The following FBXL18 variants were observed in gnomAD, a reference collection of about 807,000 sequenced individuals.
FBXL18 encodes the protein F-box/LRR-repeat protein 18.
FBXL18 carries 36 observed loss-of-function variants against 46.0 expected under a neutral mutation model. The observed-to-expected ratio is 0.78, with a 90% CI of 0.60 to 1.03. FBXL18 has a LOEUF of 1.03. Among genes scored for constraint, FBXL18 ranks in the 50% least tolerant of loss-of-function variants. FBXL18 has a pLI of 0.00. For missense variants in FBXL18, 977 were observed against 1,004.1 expected, an observed-to-expected ratio of 0.97 and a Z score of 0.36; for synonymous variants, 557 against 465.3, an observed-to-expected ratio of 1.20 and a Z score of -2.54.
intron 3 of FBXL18, among the ~76,000 whole-genome samples, chr7:5,493,152 T>C (rs529261673): frequency 3.3e-5 from 5 of 151,990 alleles, no homozygotes; most frequent in African/African-American, 1.2e-4. Flanking sequence ...CTGGGCGACA[T>C]AGTGAGAGCC....
chr7:5,500,885 G>C lies in FBXL18; in HGVS notation c.1384C>G (p.Pro462Ala). The C allele has an allele frequency of 6.3e-7, 1 of 1,595,750 alleles. No homozygotes were observed. Among genetic ancestry groups the C allele is most frequent in the Non-Finnish European group, 8.6e-7 (1 of 1,169,432 alleles). ...VRVGVQSCPS[P>A]FSGQACPQPS... ...TGGGGGCACGCCTGGCCCGAGAAGG[G>C]GCTGGGACAGGACTGCACGCCCACA... Residue 462 changes from proline to alanine, a missense_variant, in exon 3 of 5, where the codon CCC becomes GCC. Physicochemically the swap from Pro to Ala is conservative, Grantham distance 27. Transcript: ENST00000382368.
intron 3 of FBXL18, among the ~76,000 whole-genome samples, chr7:5,493,529 A>T (rs993852366): frequency 1.2e-4 from 19 of 152,038 alleles, no homozygotes; most frequent in Admixed American, 1.0e-3. Context: ...TCTCCTGACC[A>T]CTTGCTCCAC....
intron 4 of FBXL18, among the ~76,000 whole-genome samples, chr7:5,456,668 G>A (rs1011191066): frequency 2.0e-5 from 3 of 151,668 alleles, no homozygotes; most frequent in African/African-American, 7.3e-5. Context: ...ATGGAAAGGA[G>A]GCCAGCATGG....
Position 5,458,671 on chromosome 7 carries a change from T to C in FBXL18, c.2001-10828A>G, listed in dbSNP as rs370489386. Among the ~76,000 whole-genome samples the C allele has an allele frequency of 3.8e-4, 57 of 150,454 alleles. No individual in the cohort carries two copies. In the East Asian group the frequency reaches 7.9e-3, roughly 21 times the overall value. On this transcript the variant is annotated intron_variant and NMD_transcript_variant, in intron 4 of 6. Transcript: ENST00000415009. ...AAGATTGCGCCACTGCACTCCAGCC[T>C]GGGCAACACAGCGAGACTCCGTCCC...
intron 4 of FBXL18, among the ~76,000 whole-genome samples, chr7:5,487,109 G>A (rs1160196928): frequency 2.0e-5 from 3 of 152,250 alleles, no homozygotes; most frequent in Non-Finnish European, 1.5e-5. Flanking sequence ...GAGCTGCAGG[G>A]CTGACACTGA....
At chr7:5,508,383 C>T (rs1184943117) in intron 1 of FBXL18, among the ~76,000 whole-genome samples, 9 of 149,214 alleles carry the variant, frequency 6.0e-5, no homozygotes, top group African/African-American at 4.9e-5. Flanking sequence ...GCAGAGGTTG[C>T]GGTAAGCCGA....
rs1320687405 is a variant in FBXL18 at position 5,462,723 on chromosome 7, G to A, written c.2001-14880C>T. On this transcript the variant is annotated intron_variant and NMD_transcript_variant, in intron 4 of 6. Coordinates refer to the FBXL18 transcript ENST00000415009. ...TCCCAGCACTTTGGGAGGCCGAGGC[G>A]GATGGATCACGAGGTCAGGAGATTC... 3.3e-5 allele frequency among the ~76,000 whole-genome samples: 5 copies of A among 151,422 alleles called. No individual in the cohort carries two copies. The South Asian group carries it at 6.3e-4, about 19-fold the overall frequency.
chr7:5,489,064 C>A, intron 4 of FBXL18: 1 of 303,070 alleles, frequency 3.3e-6, no homozygotes, highest in South Asian at 2.7e-5. Flanking sequence ...CTGGTTCCAC[C>A]GCAGGCGAAG....
chr7:5,458,711 A>G (rs1427075846), intron 4 of FBXL18, among the ~76,000 whole-genome samples: 1 of 151,702 alleles, frequency 6.6e-6, no homozygotes, highest in African/African-American at 2.4e-5. Flanking sequence ...AAAAAAAAAA[A>G]TTAGCTGGGC....
chr7:5,475,603 C>A (rs1292216276), downstream of FBXL18, among the ~76,000 whole-genome samples: 1 of 152,206 alleles, frequency 6.6e-6, no homozygotes, highest in African/African-American at 2.4e-5. This position sits in a 1 kb window ranked among gnomAD's most constrained non-coding sequence, Gnocchi z 4.2. Context: ...CCTGATGCCC[C>A]CTGGGGAGTG....
intron 4 of FBXL18, among the ~76,000 whole-genome samples, chr7:5,482,144 A>T (rs1783664863): frequency 6.6e-6 from 1 of 152,180 alleles, no homozygotes; most frequent in African/African-American, 2.4e-5. Flanking sequence ...GCAGCCGGGA[A>T]CAGGCCACAC....
chr7:5,502,959 T>C (rs993675443), intron 2 of FBXL18, among the ~76,000 whole-genome samples: 7 of 152,106 alleles, frequency 4.6e-5, no homozygotes, highest in African/African-American at 1.7e-4. Context: ...TCAGCCTCCC[T>C]ACTCTGTGCC....
rs1037524884 is a variant in FBXL18, at chr7:5,470,062, G to A, written c.2000+21169C>T. Among the ~76,000 whole-genome samples, 6 of 152,258 alleles carry A rather than the reference G, an allele frequency of 3.9e-5. No homozygotes were observed. The South Asian group carries it at 1.0e-3, about 26-fold the overall frequency. On this transcript the variant is annotated intron_variant and NMD_transcript_variant, in intron 4 of 6. Coordinates refer to the FBXL18 transcript ENST00000415009. ...TGGACGAGTGAGTGCACATGCGTGT[G>A]CGTGTGCCAGTCTGCGGGCGTGGGT...
At chr7:5,494,954 T>A (rs1328604194) in intron 3 of FBXL18, among the ~76,000 whole-genome samples, 1 of 152,240 alleles carries the variant, frequency 6.6e-6, no homozygotes, top group Non-Finnish European at 1.5e-5. Context: ...GTGTTCAGGA[T>A]GTGGCAGGCC....
Position 5,496,571 on chromosome 7 carries a change from C to T in FBXL18, c.1781+3917G>A, listed in dbSNP as rs924751396. Among the ~76,000 whole-genome samples the T allele has an allele frequency of 1.3e-5, 2 of 152,206 alleles. No individual in the cohort carries two copies. The highest frequency in any genetic ancestry group is 2.9e-5 in the Non-Finnish European group (2 of 68,032). On this transcript the variant is annotated intron_variant, in intron 3 of 4. Coordinates refer to ENST00000382368, the MANE Select transcript of FBXL18 (RefSeq NM_024963.6). The surrounding 1 kb of genome is among the most constrained non-coding windows in gnomAD (Gnocchi z 4.8). ...TCAGGGCTTGGCTTAGGCCCATCAA[C>T]TAGGAGGCCACACTTAACAGACTCT...
intron 4 of FBXL18, among the ~76,000 whole-genome samples, chr7:5,485,598 G>A (rs899410097): frequency 6.6e-6 from 1 of 152,074 alleles, no homozygotes; most frequent in Non-Finnish European, 1.5e-5. Context: ...AAGATCACTT[G>A]AGTCCAGGAG....
Position 5,500,841 on chromosome 7 carries a change from C to A in FBXL18, c.1428G>T (p.Trp476Cys). The A allele has an allele frequency of 2.5e-6, 4 of 1,610,936 alleles. No individual in the cohort carries two copies. The highest frequency in any genetic ancestry group is 3.4e-6 in the Non-Finnish European group (4 of 1,178,694). ...QACPQPSSVF[W>C]SLLKNLPFLE... ...GGAAGGGCAGGTTCTTCAGCAGAGA[C>A]CAGAACACGGAGGAGGGCTGGGGGC... The change falls in exon 3 of 5, where the codon TGG (tryptophan) becomes TGT (cysteine). Residue 476 changes from tryptophan to cysteine, a missense_variant. Coordinates refer to ENST00000382368, the MANE Select transcript of FBXL18 (RefSeq NM_024963.6).
At chr7:5,486,121 G>C (rs183364449) in intron 4 of FBXL18, among the ~76,000 whole-genome samples, 1 of 151,186 alleles carries the variant, frequency 6.6e-6, no homozygotes, top group African/African-American at 2.4e-5. Flanking sequence ...GGGCGTGCTG[G>C]CGCATGCCTG....
intron 3 of FBXL18, among the ~76,000 whole-genome samples, chr7:5,494,629 G>A (rs1016507193): frequency 2.6e-5 from 4 of 152,132 alleles, no homozygotes; most frequent in Non-Finnish European, 5.9e-5. Flanking sequence ...TTTGCAGACC[G>A]GAAGGTGGGA....
Sources: gnomAD v4.1 joint callset for allele counts (sites outside exome capture counted in the v4.1 genomes callset) on GRCh38, gnomAD v4.1.1 for gene constraint, Gnocchi (gnomAD v3.1) non-coding constraint, MANE v1.5 for transcripts, NCBI Gene and HGNC (gene_info 2026-07-23, HGNC 2026-07-21) for gene names.